The following NKAIN2 variants were observed in gnomAD, a reference collection of about 807,000 sequenced individuals.
The protein encoded by NKAIN2 is sodium/potassium-transporting ATPase subunit beta-1-interacting protein 2.
In NKAIN2, 14 loss-of-function variants were observed where a neutral mutation model predicts 32.6. That is an observed-to-expected ratio of 0.43 (90% CI 0.28 to 0.67). NKAIN2 has a LOEUF of 0.67. Ranked by LOEUF, NKAIN2 falls within the 30% of genes least tolerant of loss-of-function variation. The pLI is 0.17. For missense variants in NKAIN2, 198 were observed against 258.3 expected (o/e 0.77, Z 1.60); for synonymous variants, 80 against 87.2 (o/e 0.92, Z 0.46).
At chr6:124,337,048 A>C (rs545708186) in intron 2 of NKAIN2, among the ~76,000 whole-genome samples, 1 of 152,150 alleles carries the variant, frequency 6.6e-6, no homozygotes, top group South Asian at 2.1e-4. Flanking sequence ...GTTGATAGTC[A>C]CTGGAGAGCT....
chr6:124,525,239 T>C (rs1779267716), intron 3 of NKAIN2, among the ~76,000 whole-genome samples: 1 of 152,160 alleles, frequency 6.6e-6, no homozygotes, highest in African/African-American at 2.4e-5. Context: ...AATTGTTTTT[T>C]CCAAATTCAG....
At chr6:124,241,078 A>T (rs1056830319) in intron 1 of NKAIN2, among the ~76,000 whole-genome samples, 1 of 152,208 alleles carries the variant, frequency 6.6e-6, no homozygotes, top group African/African-American at 2.4e-5. Flanking sequence ...AAAAATGACA[A>T]GCATTCCTAT....
chr6:124,261,965 G>A (rs1352060643), intron 1 of NKAIN2, among the ~76,000 whole-genome samples: 1 of 151,546 alleles, frequency 6.6e-6, no homozygotes, highest in Non-Finnish European at 1.5e-5. Flanking sequence ...CTGCTTGCCT[G>A]TCACCCAGTA....
intron 3 of NKAIN2, among the ~76,000 whole-genome samples, chr6:124,535,196 A>C (rs1342717245): frequency 6.6e-6 from 1 of 152,186 alleles, no homozygotes; most frequent in Non-Finnish European, 1.5e-5. Flanking sequence ...AACTACACTT[A>C]TTGTATCTTT....
chr6:124,653,959 A>G (rs1784452779), intron 3 of NKAIN2, among the ~76,000 whole-genome samples: 1 of 152,164 alleles, frequency 6.6e-6, no homozygotes, highest in Non-Finnish European at 1.5e-5. Context: ...AAATAGTCTC[A>G]ACATCGTATG....
intron 3 of NKAIN2, among the ~76,000 whole-genome samples, chr6:124,571,852 A>G (rs1044642369): frequency 6.6e-6 from 1 of 152,170 alleles, no homozygotes; most frequent in Non-Finnish European, 1.5e-5. Context: ...CTAGAACAAC[A>G]TAATTCTTCA....
At chr6:123,813,509 T>G (rs1439553184) in intron 1 of NKAIN2, among the ~76,000 whole-genome samples, 1 of 152,154 alleles carries the variant, frequency 6.6e-6, no homozygotes, top group Non-Finnish European at 1.5e-5. Flanking sequence ...TTTGAAGGCT[T>G]TTAGAAACTA....
chr6:123,977,119 T>G (rs1461835401), intron 1 of NKAIN2, among the ~76,000 whole-genome samples: 1 of 152,228 alleles, frequency 6.6e-6, no homozygotes, highest in African/African-American at 2.4e-5. Context: ...ACCACAGGCA[T>G]GTGTGACCAC....
intron 3 of NKAIN2, among the ~76,000 whole-genome samples, chr6:124,621,077 C>T (rs960839389): frequency 2.0e-5 from 3 of 152,156 alleles, no homozygotes; most frequent in African/African-American, 2.4e-5. Context: ...CCTTTAAGAA[C>T]GTAGCGAGGC....
intron 1 of NKAIN2, among the ~76,000 whole-genome samples, chr6:123,934,087 C>G (rs1444456332): frequency 1.3e-5 from 2 of 152,148 alleles, no homozygotes; most frequent in Non-Finnish European, 2.9e-5. Flanking sequence ...ACATATGTAT[C>G]TGAAATCAAC....
At chr6:124,631,707 A>G (rs146672667) in intron 3 of NKAIN2, among the ~76,000 whole-genome samples, 19 of 152,214 alleles carry the variant, frequency 1.2e-4, no homozygotes, top group Non-Finnish European at 2.5e-4. Context: ...GTTAACTATA[A>G]AGGAGTCTGA....
At chr6:124,030,497 T>C (rs1448909548) in intron 1 of NKAIN2, among the ~76,000 whole-genome samples, 2 of 152,210 alleles carry the variant, frequency 1.3e-5, no homozygotes, top group Non-Finnish European at 2.9e-5. Flanking sequence ...GTTCTTACTA[T>C]GTAGAATGCA....
chr6:124,799,752 A>C (rs943098630), intron 5 of NKAIN2, among the ~76,000 whole-genome samples: 2 of 152,190 alleles, frequency 1.3e-5, no homozygotes, highest in Non-Finnish European at 2.9e-5. Flanking sequence ...TAATAGCCTT[A>C]ATAAGAAAGA....
At chr6:123,827,602 T>C (rs925254693) in intron 1 of NKAIN2, among the ~76,000 whole-genome samples, 5 of 152,162 alleles carry the variant, frequency 3.3e-5, no homozygotes, top group African/African-American at 4.8e-5. Context: ...AAAAGAAATA[T>C]TGAGTATGTG....
intron 2 of NKAIN2, among the ~76,000 whole-genome samples, chr6:124,353,741 C>T (rs7760721): frequency 0.042 from 6,190 of 147,164 alleles, 420 homozygotes; most frequent in African/African-American, 0.14. Context: ...GGCGACAGAG[C>T]GAGACTCCGT....
At position 124,696,768 on chromosome 6, in the gene NKAIN2, ATT is replaced by A. The variant is rs140409570; in HGVS notation, c.474+38397_474+38398del. ...AATTTACAAAAAAGTAAAAGGATCT[ATT>A]TTTTTTTTTTTTTTGCAGGAAAATA... On this transcript the variant is annotated intron_variant, in intron 4 of 6. Coordinates refer to ENST00000368417, the MANE Select transcript of NKAIN2 (RefSeq NM_001040214.3). Among the ~76,000 whole-genome samples the A allele has an allele frequency of 9.1e-4, 126 of 138,868 alleles. 1 individual carries two copies. The highest frequency in any genetic ancestry group is 2.1e-3 in the African/African-American group (81 of 38,280). 91.1% of individuals were successfully genotyped at this position (138,868 alleles called of 152,430 possible).
chr6:124,134,887 G>A (rs2114287557), intron 1 of NKAIN2, among the ~76,000 whole-genome samples: 1 of 152,222 alleles, frequency 6.6e-6, no homozygotes, highest in Admixed American at 6.5e-5. Context: ...CTTAAGAGCT[G>A]TGAGGCAAAA....
intron 2 of NKAIN2, among the ~76,000 whole-genome samples, chr6:124,319,684 A>C (rs548414682): frequency 3.3e-5 from 5 of 152,134 alleles, no homozygotes; most frequent in Non-Finnish European, 7.4e-5. Context: ...GGGAAAATAA[A>C]TATGTCCATT....
intron 2 of NKAIN2, among the ~76,000 whole-genome samples, chr6:124,325,237 C>G (rs180756331): frequency 6.6e-6 from 1 of 152,032 alleles, no homozygotes; most frequent in Non-Finnish European, 1.5e-5. Flanking sequence ...AACACTGATT[C>G]TACAAAATTT....
Sources: allele counts gnomAD v4.1 joint callset (sites outside exome capture counted in the v4.1 genomes callset), GRCh38; gene constraint gnomAD v4.1.1; transcripts MANE v1.5; gene names NCBI Gene and HGNC (gene_info 2026-07-23, HGNC 2026-07-21).